GLI3: variants seen among roughly 807,000 people sequenced by gnomAD.
The protein encoded by GLI3 is transcription activator GLI3.
In GLI3, 20 loss-of-function variants were observed where a neutral mutation model predicts 100.8. That is an observed-to-expected ratio of 0.20 (90% confidence interval 0.14 to 0.29). GLI3 has a LOEUF of 0.29. GLI3 is among the 10% of genes least tolerant of loss of function. GLI3 has a pLI of 1.00. For missense variants in GLI3, 2,040 were observed against 2,128.5 expected (o/e 0.96, Z 0.82); for synonymous variants, 938 against 860.5 (o/e 1.09, Z -1.58).
chr7:42,124,038 C>T (rs1166155022), intron 3 of GLI3, among the ~76,000 whole-genome samples: 2 of 152,096 alleles, frequency 1.3e-5, no homozygotes, highest in African/African-American at 2.4e-5. Flanking sequence ...CTTTGTTCGA[C>T]TCTCCCACCG....
upstream of GLI3, among the ~76,000 whole-genome samples, chr7:42,241,113 A>G (rs1187501863): frequency 2.0e-5 from 3 of 152,198 alleles, no homozygotes; most frequent in African/African-American, 7.2e-5. Context: ...AAAAAAGTCC[A>G]GAAACATGTA....
chr7:42,168,553 G>A (rs1051237751), intron 2 of GLI3, among the ~76,000 whole-genome samples: 16 of 152,080 alleles, frequency 1.1e-4, no homozygotes, highest in African/African-American at 3.9e-4. Flanking sequence ...ATATAATGTA[G>A]ATGAATCTCG....
At chr7:42,050,125 G>A (rs1048985778) in intron 4 of GLI3, among the ~76,000 whole-genome samples, 1 of 152,034 alleles carries the variant, frequency 6.6e-6, no homozygotes, top group African/African-American at 2.4e-5. Context: ...GAAATATGGT[G>A]GTGGGGGTGG....
At chr7:42,151,974 G>T (rs7784573) in intron 2 of GLI3, 2 of 152,098 alleles carry the variant, frequency 1.3e-5, no homozygotes, top group East Asian at 3.9e-4. Flanking sequence ...AGGTAATCAC[G>T]TTGCTGCATG....
At chr7:42,229,030 G>A (rs1215187976) in intron 1 of GLI3, among the ~76,000 whole-genome samples, 3 of 152,124 alleles carry the variant, frequency 2.0e-5, no homozygotes, top group Non-Finnish European at 4.4e-5. Context: ...TTCCTTTATC[G>A]TTTAAACACT....
At chr7:42,018,053 T>C (rs1788819738) in intron 10 of GLI3, among the ~76,000 whole-genome samples, 1 of 152,200 alleles carries the variant, frequency 6.6e-6, no homozygotes, top group Admixed American at 6.5e-5. Flanking sequence ...CCACTCAGAA[T>C]CCTAGCTGGG....
intron 10 of GLI3, among the ~76,000 whole-genome samples, chr7:42,022,126 A>G (rs1788960833): frequency 6.6e-6 from 1 of 152,226 alleles, no homozygotes; most frequent in African/African-American, 2.4e-5. Flanking sequence ...TCAGAAATCT[A>G]TAATTCTTCC....
At chr7:42,058,310 T>C (rs1784502660) in intron 4 of GLI3, among the ~76,000 whole-genome samples, 1 of 152,182 alleles carries the variant, frequency 6.6e-6, no homozygotes, top group Non-Finnish European at 1.5e-5. Context: ...TCTAGAACTG[T>C]TAAGTTAGAA....
At chr7:42,110,912 C>T (rs1472383847) in intron 3 of GLI3, among the ~76,000 whole-genome samples, 2 of 152,090 alleles carry the variant, frequency 1.3e-5, no homozygotes, top group Non-Finnish European at 2.9e-5. Flanking sequence ...GGCACATGAG[C>T]CTGTGGTGGT....
Position 42,151,270 on chromosome 7 carries a change from T to C in GLI3, c.125-2802A>G, listed in dbSNP as rs34738679. 506 of 152,270 alleles carry C rather than the reference T, an allele frequency of 3.3e-3. 2 individuals are homozygous for C. Among genetic ancestry groups the C allele is most frequent in the Non-Finnish European group, 5.8e-3 (394 of 68,022 alleles). The allele number at this position is 152,270 out of a possible 1,614,324, so 9.4% of individuals were successfully genotyped here. A position where few individuals can be genotyped will look rare whatever the true frequency, so the allele number is the denominator to read the frequency against. ...AAGTTGCTTTTGACGGGCATTCATA[T>C]GAAAACCTGACAGTATACACACTCC... On this transcript the variant is annotated intron_variant, in intron 2 of 14. Coordinates refer to ENST00000395925, the MANE Select transcript of GLI3 (RefSeq NM_000168.6).
intron 1 of GLI3, among the ~76,000 whole-genome samples, chr7:42,262,792 A>G (rs999909434): frequency 2.0e-5 from 3 of 152,300 alleles, no homozygotes. Flanking sequence ...CTTTCCTAAC[A>G]TTACTTTTTA....
At chr7:42,161,384 T>G (rs1377328136) in intron 2 of GLI3, among the ~76,000 whole-genome samples, 1 of 152,198 alleles carries the variant, frequency 6.6e-6, no homozygotes, top group Non-Finnish European at 1.5e-5. Context: ...TGATAGAAAC[T>G]AAATCGCCTG....
chr7:41,969,725 A>G (rs1787317418), intron 13 of GLI3, among the ~76,000 whole-genome samples: 1 of 152,252 alleles, frequency 6.6e-6, no homozygotes, highest in South Asian at 2.1e-4. Flanking sequence ...GACACACTTC[A>G]TATAAGGCAC....
rs376845825 is a variant in GLI3, at chr7:42,148,425, G to A, written c.168C>T (p.Asn56=). The A allele has an allele frequency of 2.9e-4, 470 of 1,613,630 alleles. 2 individuals carry two copies. The highest frequency in any genetic ancestry group is 1.7e-3 in the Middle Eastern group (10 of 6,058). ...CATTCTGTGGCTGCATAGTGATTGC[G>A]TTTCTTCTCTCTCTGTGATAAGTCT... The part of the protein sequence containing the change: ...PGQTYHRERR[N]AITMQPQNVQ... Residue 56 remains asparagine, a synonymous_variant, in exon 3 of 15, where the codon AAC becomes AAT. Coordinates refer to ENST00000395925, the MANE Select transcript of GLI3 (RefSeq NM_000168.6).
chr7:41,968,686 G>GAAGAAAGAAAGAAAGAAAGAAAGAAAGA (rs748578300), intron 13 of GLI3, among the ~76,000 whole-genome samples: 23 of 76,200 alleles, frequency 3.0e-4, no homozygotes, highest in African/African-American at 8.8e-4. Context: ...AAGAAAGAAA[G>GAAGAAAGAAAGAAAGAAAGAAAGAAAGA]AAGAAAGAAA....
chr7:42,028,809 A>C (rs534368135), intron 7 of GLI3, among the ~76,000 whole-genome samples: 1 of 151,156 alleles, frequency 6.6e-6, no homozygotes, highest in South Asian at 2.1e-4. Flanking sequence ...AATAAAAATA[A>C]AGAAATAAAA....
At chr7:42,073,926 C>G (rs576489872) in intron 4 of GLI3, among the ~76,000 whole-genome samples, 37 of 152,336 alleles carry the variant, frequency 2.4e-4, no homozygotes, top group African/African-American at 8.9e-4. Context: ...TCCCAGGTAA[C>G]TGATTCATCC....
intron 2 of GLI3, among the ~76,000 whole-genome samples, chr7:42,192,048 A>T (rs1429032270): frequency 6.6e-6 from 1 of 152,094 alleles, no homozygotes; most frequent in Non-Finnish European, 1.5e-5. Context: ...AGAAAAAAAA[A>T]ATCCTATTTG....
At position 41,966,659 on chromosome 7, in the gene GLI3, G is replaced by C. The variant is rs1349912332; in HGVS notation, c.2432-18C>G. On this transcript the variant is annotated intron_variant, in intron 14 of 14. Transcript: ENST00000395925. This position sits in a 1 kb window ranked among gnomAD's most constrained non-coding sequence, Gnocchi z 5.8. ...CTGTGTGCCTGGAGACAGAGAAAGGGAGAGACCATGCGGAGATGAATTCCC... is the reference window on the plus strand; with the variant it reads ...CTGTGTGCCTGGAGACAGAGAAAGGCAGAGACCATGCGGAGATGAATTCCC... The C allele has an allele frequency of 6.2e-7, 1 of 1,613,680 alleles. No individual in the cohort carries two copies. Among genetic ancestry groups the C allele is most frequent in the Non-Finnish European group, 8.5e-7 (1 of 1,179,830 alleles).
Sources: gnomAD v4.1 joint callset for allele counts (sites outside exome capture counted in the v4.1 genomes callset) on GRCh38, gnomAD v4.1.1 for gene constraint, Gnocchi (gnomAD v3.1) non-coding constraint, MANE v1.5 for transcripts, NCBI Gene and HGNC (gene_info 2026-07-23, HGNC 2026-07-21) for gene names.